IQCH: variants seen among roughly 807,000 people sequenced by gnomAD.
The protein encoded by IQCH is IQ motif containing H, also known as IQ domain-containing protein H.
IQCH carries 98 observed loss-of-function variants against 117.0 expected under a neutral mutation model. The ratio of observed to expected loss-of-function variants is 0.84; its 90% CI spans 0.71 to 0.99. The LOEUF is 0.99. IQCH is among the 50% of genes least tolerant of loss of function. IQCH has a pLI of 0.00. For synonymous variants in IQCH, 412 were observed against 448.2 expected, an observed-to-expected ratio of 0.92 and a Z score of 1.02; for missense variants, 1,102 against 1,243.8, an observed-to-expected ratio of 0.89 and a Z score of 1.72.
Position 67,475,874 on chromosome 15 carries a change from A to G in IQCH, c.2799+56A>G. On this transcript the variant is annotated intron_variant, in intron 18 of 20. Transcript: ENST00000335894. The surrounding 1 kb of genome is among the most constrained non-coding windows in gnomAD (Gnocchi z 5.7). ...CCAAAGACATGCCTGTGGGTGATCTAGGTAGCTAATAATTTGGTGCCCCTT... is the reference window on the plus strand; with the variant it reads ...CCAAAGACATGCCTGTGGGTGATCTGGGTAGCTAATAATTTGGTGCCCCTT... 1.3e-6 allele frequency: 2 copies of G among 1,501,894 alleles called. No homozygotes were observed. Among genetic ancestry groups the G allele is most frequent in the African/African-American group, 1.4e-5 (1 of 72,476 alleles). The allele number at this position is 1,501,894 out of a possible 1,614,324, so 93.0% of individuals were successfully genotyped here. A position where few individuals can be genotyped will look rare whatever the true frequency, so the allele number is the denominator to read the frequency against.
rs2047933247 is a variant in IQCH, at chr15:67,413,740, G to A, written c.2098-3191G>A. Among the ~76,000 whole-genome samples the A allele has an allele frequency of 6.6e-6, 1 of 152,036 alleles. No individual in the cohort carries two copies. The highest frequency in any genetic ancestry group is 2.4e-5 in the African/African-American group (1 of 41,376). On this transcript the variant is annotated intron_variant, in intron 14 of 20. Transcript: ENST00000335894. The surrounding 1 kb of genome is among the most constrained non-coding windows in gnomAD (Gnocchi z 5.0). The stretch of plus-strand genomic sequence containing the variant: ...TCATGGCCCCAAGCTGCCTCTGTGT[G>A]CCCCAGCATCCCTACTGAATGTCAC...
chr15:67,300,456 T>A (rs915404297), intron 4 of IQCH, among the ~76,000 whole-genome samples: 1 of 152,228 alleles, frequency 6.6e-6, no homozygotes, highest in East Asian at 1.9e-4. Context: ...TCTATTGTTC[T>A]TCATATTACC....
intron 5 of IQCH, among the ~76,000 whole-genome samples, chr15:67,340,165 C>T (rs1034707311): frequency 6.6e-6 from 1 of 152,018 alleles, no homozygotes; most frequent in Non-Finnish European, 1.5e-5. Context: ...CATTGGTTCA[C>T]ACCTGTAATC....
chr15:67,292,883 G>A (rs1248762879), intron 4 of IQCH, among the ~76,000 whole-genome samples: 1 of 152,024 alleles, frequency 6.6e-6, no homozygotes, highest in Non-Finnish European at 1.5e-5. Context: ...TCTCTTTCCA[G>A]TCCTGGATCT....
chr15:67,304,111 T>A (rs1192856000), intron 4 of IQCH, among the ~76,000 whole-genome samples: 1 of 152,152 alleles, frequency 6.6e-6, no homozygotes, highest in Non-Finnish European at 1.5e-5. Flanking sequence ...GAGGATGTAT[T>A]TGTGGGAGCA....
At chr15:67,287,574 C>T (rs193220736) in intron 4 of IQCH, among the ~76,000 whole-genome samples, 1 of 151,458 alleles carries the variant, frequency 6.6e-6, no homozygotes, top group Admixed American at 6.9e-5. Context: ...CTCATAGAAG[C>T]CACTAATGAT....
chr15:67,361,057 C>T (rs1343114042), intron 8 of IQCH, among the ~76,000 whole-genome samples: 2 of 152,244 alleles, frequency 1.3e-5, no homozygotes, highest in Non-Finnish European at 2.9e-5. Flanking sequence ...TTCGTACCCA[C>T]TGAACCGTCA....
rs551990994 is a variant in IQCH at position 67,364,460 on chromosome 15, C to T, written c.753+4575C>T. Among the ~76,000 whole-genome samples the T allele has an allele frequency of 9.9e-5, 15 of 151,628 alleles. No individual in the cohort carries two copies. The highest frequency in any genetic ancestry group is 3.1e-4 in the African/African-American group (13 of 41,336). On this transcript the variant is annotated intron_variant, in intron 8 of 20. Transcript: ENST00000335894. This position sits in a 1 kb window ranked among gnomAD's most constrained non-coding sequence, Gnocchi z 4.1. ...GTGGAACAATTTTTCTTGTAATTAC[C>T]GAGAAAAACTACAAGGACTGTTTTT...
intron 8 of IQCH, among the ~76,000 whole-genome samples, chr15:67,363,062 A>T (rs1970202386): frequency 6.6e-6 from 1 of 152,212 alleles, no homozygotes; most frequent in Non-Finnish European, 1.5e-5. Context: ...GATACAAAAC[A>T]AGATTCAAAA....
intron 20 of IQCH, among the ~76,000 whole-genome samples, chr15:67,495,558 T>C (rs2083781879): frequency 6.6e-6 from 1 of 152,204 alleles, no homozygotes; most frequent in African/African-American, 2.4e-5. Context: ...GTTAGTGCCA[T>C]GTGCAAAACT....
chr15:67,317,536 A>G (rs1212159213), intron 4 of IQCH, among the ~76,000 whole-genome samples: 1 of 152,156 alleles, frequency 6.6e-6, no homozygotes, highest in East Asian at 1.9e-4. Context: ...ATGTCTATCC[A>G]GCTCTTTTAA....
intron 1 of IQCH, among the ~76,000 whole-genome samples, chr15:67,258,553 G>A (rs1965329754): frequency 6.7e-6 from 1 of 149,432 alleles, no homozygotes; most frequent in African/African-American, 2.5e-5. Flanking sequence ...AAAGAATGAA[G>A]TTAAAGATAA....
chr15:67,324,573 G>A (rs541282089), intron 4 of IQCH, among the ~76,000 whole-genome samples: 1 of 141,036 alleles, frequency 7.1e-6, no homozygotes, highest in Non-Finnish European at 1.5e-5. Flanking sequence ...TAGCTCCATT[G>A]CACTCCAGCC....
chr15:67,274,687 G>T (rs1966048362), intron 3 of IQCH, among the ~76,000 whole-genome samples: 1 of 152,072 alleles, frequency 6.6e-6, no homozygotes, highest in African/African-American at 2.4e-5. Context: ...TTTTGGGGAA[G>T]TCATGGTTCC....
At chr15:67,310,188 T>C (rs1393040981) in intron 4 of IQCH, among the ~76,000 whole-genome samples, 1 of 152,126 alleles carries the variant, frequency 6.6e-6, no homozygotes, top group Admixed American at 6.6e-5. Flanking sequence ...TTTTTAATGA[T>C]AAATATTTAA....
Position 67,481,920 on chromosome 15 carries a change from T to A in IQCH, c.2799+6102T>A, listed in dbSNP as rs906038350. Among the ~76,000 whole-genome samples, 1 of 152,116 alleles carries A rather than the reference T, an allele frequency of 6.6e-6. No individual in the cohort carries two copies. Among genetic ancestry groups the A allele is most frequent in the Non-Finnish European group, 1.5e-5 (1 of 68,006 alleles). On this transcript the variant is annotated intron_variant, in intron 18 of 20. Coordinates refer to ENST00000335894, the MANE Select transcript of IQCH (RefSeq NM_001031715.3). The surrounding 1 kb of genome is among the most constrained non-coding windows in gnomAD (Gnocchi z 4.1). Reference sequence around the variant, plus strand: ...CCCTCAACTATCTACAGGCAGGAAGTGGGTGAGAAAGTTTTAAAATTGCTA... The same window carrying A: ...CCCTCAACTATCTACAGGCAGGAAGAGGGTGAGAAAGTTTTAAAATTGCTA...
At position 67,422,330 on chromosome 15, in the gene IQCH, AT is replaced by A. The variant is rs1270866748; in HGVS notation, c.2505+760del. 2.0e-5 allele frequency among the ~76,000 whole-genome samples: 3 copies of A among 152,066 alleles called. No homozygotes were observed. The highest frequency in any genetic ancestry group is 2.9e-5 in the Non-Finnish European group (2 of 68,024). On this transcript the variant is annotated intron_variant, in intron 16 of 20. Coordinates refer to ENST00000335894, the MANE Select transcript of IQCH (RefSeq NM_001031715.3). The surrounding 1 kb of genome is among the most constrained non-coding windows in gnomAD (Gnocchi z 4.7). ...CTTATCAGACAACTTAGATTGTCTC[AT>A]TTTTTTCTTTAAAAAACGTACTGAG...
At chr15:67,484,780 G>A (rs2083430758) in intron 18 of IQCH, among the ~76,000 whole-genome samples, 1 of 151,612 alleles carries the variant, frequency 6.6e-6, no homozygotes, top group African/African-American at 2.4e-5. Context: ...ATCAACCCTT[G>A]ATATATCAAG....
chr15:67,452,080 G>A (rs981072718), intron 16 of IQCH, among the ~76,000 whole-genome samples: 2 of 152,094 alleles, frequency 1.3e-5, no homozygotes, highest in African/African-American at 4.8e-5. Flanking sequence ...CTGCTTGGTA[G>A]ATCTTCCTCC....
Sources: gnomAD v4.1 joint callset for allele counts (sites outside exome capture counted in the v4.1 genomes callset) on GRCh38, gnomAD v4.1.1 for gene constraint, Gnocchi (gnomAD v3.1) non-coding constraint, MANE v1.5 for transcripts, NCBI Gene and HGNC (gene_info 2026-07-23, HGNC 2026-07-21) for gene names.